LSAMP: variants seen among roughly 807,000 people sequenced by gnomAD.
LSAMP encodes the protein limbic system-associated membrane protein.
Under a neutral mutation model 38.6 loss-of-function variants are expected in LSAMP, and 7 were observed. That is an observed-to-expected ratio of 0.18 (90% CI 0.10 to 0.34). The LOEUF is 0.34. Ranked by LOEUF, LSAMP falls within the 10% of genes least tolerant of loss-of-function variation. The pLI, the probability that LSAMP is intolerant of heterozygous loss-of-function variation, is 1.00. For synonymous variants in LSAMP, 154 were observed against 166.8 expected (o/e 0.92, Z 0.59); for missense variants, 313 against 420.0 (o/e 0.75, Z 2.23).
chr3:116,079,484 C>A (rs574872215), intron 2 of LSAMP, among the ~76,000 whole-genome samples: 1 of 152,238 alleles, frequency 6.6e-6, no homozygotes, highest in East Asian at 1.9e-4. Context: ...AAACCCCTGT[C>A]TCTACTAAAA....
At chr3:116,190,343 G>A (rs1020853817) in intron 1 of LSAMP, among the ~76,000 whole-genome samples, 2 of 152,024 alleles carry the variant, frequency 1.3e-5, no homozygotes, top group South Asian at 2.1e-4. Flanking sequence ...AAACCTTCAA[G>A]TTATGAGTAA....
intron 1 of LSAMP, among the ~76,000 whole-genome samples, chr3:116,285,778 T>C (rs1288384697): frequency 6.6e-6 from 1 of 152,118 alleles, no homozygotes; most frequent in Non-Finnish European, 1.5e-5. Context: ...AATGCCTTCT[T>C]TTTTTTCCTT....
At chr3:115,904,059 T>C (rs1230648978) in intron 3 of LSAMP, among the ~76,000 whole-genome samples, 2 of 152,122 alleles carry the variant, frequency 1.3e-5, no homozygotes, top group Non-Finnish European at 2.9e-5. Flanking sequence ...AAAGTAGATG[T>C]TAGTGAATGG....
intron 1 of LSAMP, among the ~76,000 whole-genome samples, chr3:116,289,040 T>C (rs942693662): frequency 6.6e-6 from 1 of 152,176 alleles, no homozygotes; most frequent in African/African-American, 2.4e-5. Context: ...CACTTAGAGA[T>C]GGAAACTGAA....
intron 3 of LSAMP, among the ~76,000 whole-genome samples, chr3:115,936,617 A>G (rs1003056495): frequency 6.6e-6 from 1 of 152,198 alleles, no homozygotes; most frequent in African/African-American, 2.4e-5. Context: ...TGAGACATTT[A>G]GGTGATAAGA....
chr3:116,183,508 G>A (rs1710538818), intron 1 of LSAMP, among the ~76,000 whole-genome samples: 1 of 151,710 alleles, frequency 6.6e-6, no homozygotes, highest in Non-Finnish European at 1.5e-5. Context: ...ATAGAAATGG[G>A]TATGTACATC....
intron 1 of LSAMP, among the ~76,000 whole-genome samples, chr3:116,205,937 T>A (rs1288620218): frequency 6.8e-6 from 1 of 147,226 alleles, no homozygotes; most frequent in African/African-American, 2.5e-5. Flanking sequence ...TAGGGAGGAT[T>A]CCCTCTTTTT....
chr3:115,821,588 A>G (rs2107466594), intron 6 of LSAMP, among the ~76,000 whole-genome samples: 1 of 152,354 alleles, frequency 6.6e-6, no homozygotes, highest in African/African-American at 2.4e-5. Context: ...TCTTTCTATA[A>G]GGCTAACCCT....
intron 3 of LSAMP, among the ~76,000 whole-genome samples, chr3:115,858,236 A>G (rs2107530866): frequency 6.6e-6 from 1 of 152,152 alleles, no homozygotes; most frequent in East Asian, 1.9e-4. Context: ...TGTGAGCAGC[A>G]CACACATTTC....
intron 2 of LSAMP, among the ~76,000 whole-genome samples, chr3:116,077,240 A>G (rs1707764114): frequency 6.6e-6 from 1 of 151,916 alleles, no homozygotes; most frequent in Non-Finnish European, 1.5e-5. Context: ...TAGCCCCTAA[A>G]CTAATGTTAC....
At chr3:116,104,071 G>A (rs186088636) in intron 1 of LSAMP, among the ~76,000 whole-genome samples, 19 of 150,914 alleles carry the variant, frequency 1.3e-4, no homozygotes, top group East Asian at 8.0e-4. Context: ...GTGAGCCCAC[G>A]TAGATTTCTT....
chr3:116,273,499 T>TAAAC (rs1259489509), intron 1 of LSAMP, among the ~76,000 whole-genome samples: 2 of 151,302 alleles, frequency 1.3e-5, no homozygotes, highest in East Asian at 3.9e-4. Flanking sequence ...AAAAGGAAAT[T>TAAAC]AAACAACGAA....
chr3:115,848,991 CT>C (rs1935246358), intron 4 of LSAMP, among the ~76,000 whole-genome samples: 1 of 152,118 alleles, frequency 6.6e-6, no homozygotes, highest in East Asian at 1.9e-4. Context: ...ATGAGTCAAG[CT>C]CAAAAGTAGT....
intron 1 of LSAMP, among the ~76,000 whole-genome samples, chr3:116,276,107 T>C (rs1647051797): frequency 6.6e-6 from 1 of 152,234 alleles, no homozygotes; most frequent in South Asian, 2.1e-4. Flanking sequence ...CTTTTTCTTG[T>C]TGGATGTTTC....
At chr3:116,033,588 A>G (rs1270634657) in intron 2 of LSAMP, among the ~76,000 whole-genome samples, 2 of 152,130 alleles carry the variant, frequency 1.3e-5, no homozygotes, top group African/African-American at 4.8e-5. Context: ...CAATTCTCAC[A>G]AAAAGCAGTC....
intron 3 of LSAMP, among the ~76,000 whole-genome samples, chr3:115,989,701 T>C (rs1939612425): frequency 6.6e-6 from 1 of 152,084 alleles, no homozygotes; most frequent in Non-Finnish European, 1.5e-5. Flanking sequence ...GAGGGAACCA[T>C]TGTCTTTTTG....
chr3:116,116,812 C>T (rs1335086742), intron 1 of LSAMP, among the ~76,000 whole-genome samples: 2 of 152,102 alleles, frequency 1.3e-5, no homozygotes, highest in African/African-American at 2.4e-5. Flanking sequence ...AAAAGTTTGA[C>T]TACGGTGAGG....
intron 3 of LSAMP, among the ~76,000 whole-genome samples, chr3:115,966,039 GA>G (rs1157616810): frequency 6.6e-6 from 1 of 152,128 alleles, no homozygotes; most frequent in East Asian, 1.9e-4. Context: ...CAAACTGGCA[GA>G]AAACTACATT....
intron 1 of LSAMP, among the ~76,000 whole-genome samples, chr3:116,240,228 C>T (rs936219038): frequency 6.6e-6 from 1 of 152,182 alleles, no homozygotes; most frequent in Non-Finnish European, 1.5e-5. Context: ...AAAATGATAT[C>T]TATCATGCAT....
Sources: allele counts gnomAD v4.1 joint callset (sites outside exome capture counted in the v4.1 genomes callset), GRCh38; gene constraint gnomAD v4.1.1; transcripts MANE v1.5; gene names NCBI Gene and HGNC (gene_info 2026-07-23, HGNC 2026-07-21).